Variants in DIPK1A observed in about 807,000 individuals in gnomAD.
DIPK1A encodes family with sequence similarity 69 member A.
Under a neutral mutation model 40.8 loss-of-function variants are expected in DIPK1A, and 27 were observed. The observed-to-expected ratio is 0.66, with a 90% CI of 0.49 to 0.91. The LOEUF is 0.91. Among genes scored for constraint, DIPK1A ranks in the 40% least tolerant of loss-of-function variants. The pLI is 0.00. For missense variants in DIPK1A, 412 were observed against 505.7 expected, an observed-to-expected ratio of 0.81 and a Z score of 1.78; for synonymous variants, 166 against 171.3, an observed-to-expected ratio of 0.97 and a Z score of 0.24.
chr1:92,833,004 CAA>C, exon 5 of DIPK1A: 1 of 739,306 alleles, frequency 1.4e-6, no homozygotes, highest in East Asian at 2.5e-5. Flanking sequence ...CAGTGCTTCG[CAA>C]AAGTTTGGCA....
intron 2 of DIPK1A, among the ~76,000 whole-genome samples, chr1:92,855,516 T>C (rs1263296711): frequency 1.3e-5 from 2 of 151,642 alleles, no homozygotes; most frequent in East Asian, 1.9e-4. Context: ...CTAGGCAACA[T>C]AGTGAGACCT....
At chr1:92,944,299 A>T (rs1203745403) in intron 1 of DIPK1A, among the ~76,000 whole-genome samples, 1 of 152,226 alleles carries the variant, frequency 6.6e-6, no homozygotes. Flanking sequence ...GGGAGAAACT[A>T]TTCAACAAAT....
chr1:92,843,755 CTTATCA>C lies in DIPK1A; in HGVS notation c.909_914del (p.Asn303_Asp304del). The C allele has an allele frequency of 6.4e-7, 1 of 1,551,786 alleles. No homozygotes were observed. Among genetic ancestry groups the C allele is most frequent in the Non-Finnish European group, 8.7e-7 (1 of 1,147,008 alleles). ...TCATATCCACCATTTTCAAATCATACTTATCATTATATCCTAGGTTTTTGGCACTAG... is the reference window on the plus strand; with the variant it reads ...TCATATCCACCATTTTCAAATCATACTTATATCCTAGGTTTTTGGCACTAG... On this transcript the variant is annotated inframe_deletion, in exon 5 of 5. Transcript: ENST00000370310.
chr1:92,857,324 T>G (rs562900060), intron 2 of DIPK1A, among the ~76,000 whole-genome samples: 29 of 151,968 alleles, frequency 1.9e-4, no homozygotes, highest in Admixed American at 4.6e-4. Flanking sequence ...CATATTGTTT[T>G]TTTTTTTTTT....
At chr1:92,915,338 G>C (rs1385025211) in intron 1 of DIPK1A, among the ~76,000 whole-genome samples, 1 of 152,136 alleles carries the variant, frequency 6.6e-6, no homozygotes, top group African/African-American at 2.4e-5. Flanking sequence ...TCAGATCCAT[G>C]AGCGAGTAGT....
chr1:92,833,950 G>C (rs1687016601), intron 4 of DIPK1A: 1 of 391,722 alleles, frequency 2.6e-6, no homozygotes, highest in South Asian at 2.4e-5. Context: ...CACAAAAAAT[G>C]TAAGAAAATT....
downstream of DIPK1A, chr1:92,840,598 A>T (rs774814291): frequency 1.2e-6 from 2 of 1,612,566 alleles, no homozygotes; most frequent in African/African-American, 1.3e-5. Context: ...GAGAGAATCC[A>T]GTCTATGAAA....
chr1:92,844,078 G>GAAGT lies in DIPK1A; in HGVS notation c.588_591dup (p.Leu198ThrfsTer6). On this transcript the variant is annotated frameshift_variant, in exon 5 of 5. Coordinates refer to ENST00000370310, the MANE Select transcript of DIPK1A (RefSeq NM_001006605.5). LOFTEE classifies it high-confidence loss of function. ...ATGAGAAGAAATTCATTCAGTTGAA[G>GAAGT]AAGTGCCCATGCCGACTTTGCTTCT... The GAAGT allele has an allele frequency of 6.4e-7, 1 of 1,551,884 alleles. No individual in the cohort carries two copies. The highest frequency in any genetic ancestry group is 8.7e-7 in the Non-Finnish European group (1 of 1,147,032).
At chr1:92,883,017 T>C (rs759160745) in intron 1 of DIPK1A, among the ~76,000 whole-genome samples, 5 of 152,216 alleles carry the variant, frequency 3.3e-5, no homozygotes, top group Non-Finnish European at 7.4e-5. Context: ...GTCACAGACA[T>C]GCCCTGGGGT....
chr1:92,845,145 C>T (rs1395860448), intron 4 of DIPK1A, among the ~76,000 whole-genome samples: 2 of 151,128 alleles, frequency 1.3e-5, no homozygotes, highest in African/African-American at 4.9e-5. Context: ...GACGGGGTTT[C>T]ACCATGTTAG....
chr1:92,941,045 T>A (rs1259863871), intron 1 of DIPK1A, among the ~76,000 whole-genome samples: 1 of 152,154 alleles, frequency 6.6e-6, no homozygotes, highest in African/African-American at 2.4e-5. Context: ...TTGCAAATAT[T>A]TTCTCCCAGT....
chr1:92,870,219 T>C (rs1045275526), intron 2 of DIPK1A, among the ~76,000 whole-genome samples: 9 of 152,172 alleles, frequency 5.9e-5, no homozygotes, highest in Non-Finnish European at 1.2e-4. Context: ...GTCTCTCTTA[T>C]AGCTGGATTT....
chr1:92,904,278 C>T (rs963786259), intron 1 of DIPK1A, among the ~76,000 whole-genome samples: 8 of 152,186 alleles, frequency 5.3e-5, no homozygotes, highest in African/African-American at 1.7e-4. Flanking sequence ...ACCTTCCATA[C>T]TGGTGGTTAC....
chr1:92,887,815 C>T (rs1648682533), intron 1 of DIPK1A, among the ~76,000 whole-genome samples: 1 of 152,126 alleles, frequency 6.6e-6, no homozygotes, highest in Non-Finnish European at 1.5e-5. Context: ...AGAGGATAAG[C>T]AAGGCCATAC....
chr1:92,906,951 C>T (rs1649648761), intron 1 of DIPK1A, among the ~76,000 whole-genome samples: 1 of 152,212 alleles, frequency 6.6e-6, no homozygotes, highest in African/African-American at 2.4e-5. Context: ...TGCACCTATC[C>T]TATAAATAAA....
At position 92,843,782 on chromosome 1, in the gene DIPK1A, A is replaced by G; in HGVS notation, c.888T>C (p.Ser296=). Reference sequence around the variant, plus strand: ...TATCATTATATCCTAGGTTTTTGGCACTAGTATCGCACATGAGGAAATTTC... The same window carrying G: ...TATCATTATATCCTAGGTTTTTGGCGCTAGTATCGCACATGAGGAAATTTC... ...PYGNFLMCDT[S]AKNLGYNDKY... is the part of the protein sequence containing the mutation. The change falls in exon 5 of 5, where the codon AGT becomes AGC. Residue 296 remains serine, a synonymous_variant. Coordinates refer to ENST00000370310, the MANE Select transcript of DIPK1A (RefSeq NM_001006605.5). 6.4e-7 allele frequency: 1 copy of G among 1,551,850 alleles called. No homozygotes were observed. Among genetic ancestry groups the G allele is most frequent in the Non-Finnish European group, 8.7e-7 (1 of 1,147,026 alleles).
intron 1 of DIPK1A, among the ~76,000 whole-genome samples, chr1:92,881,224 C>T (rs950384594): frequency 7.7e-6 from 1 of 130,320 alleles, no homozygotes; most frequent in Non-Finnish European, 1.6e-5. Context: ...ATTTTTAATA[C>T]TCTGCATCTT....
In DIPK1A at chr1:92,932,047, GA is replaced by G. The variant is rs1458758319; in HGVS notation, c.54+29328del. The G allele has an allele frequency of 5.6e-6, 3 of 537,932 alleles. No homozygotes were observed. The African/African-American group carries it at 6.0e-5, about 11-fold the overall frequency. 33.3% of individuals were successfully genotyped at this position (537,932 alleles called of 1,614,324 possible). Reference sequence around the variant, plus strand: ...ATTTGGGTTTGAAGAAAATAAAATTGATAAAACTTTCGGAATTCCAGAAGAC... The same window carrying G: ...ATTTGGGTTTGAAGAAAATAAAATTGTAAAACTTTCGGAATTCCAGAAGAC... On this transcript the variant is annotated intron_variant, in intron 1 of 4. Transcript: ENST00000370310.
chr1:92,934,683 A>T (rs1650882441), intron 1 of DIPK1A, among the ~76,000 whole-genome samples: 2 of 152,208 alleles, frequency 1.3e-5, no homozygotes, highest in Admixed American at 1.3e-4. Context: ...TATGGAAACA[A>T]ATGAAAATGA....
Sources: allele counts gnomAD v4.1 joint callset (sites outside exome capture counted in the v4.1 genomes callset), GRCh38; gene constraint gnomAD v4.1.1; transcripts MANE v1.5; gene names NCBI Gene and HGNC (gene_info 2026-07-23, HGNC 2026-07-21).